TFPI: variants seen among roughly 807,000 people sequenced by gnomAD.
TFPI encodes anti-convertin.
A neutral mutation model predicts 34.6 loss-of-function variants in TFPI; 15 were observed. The ratio of observed to expected loss-of-function variants is 0.43; its 90% CI spans 0.29 to 0.67. The LOEUF (loss-of-function observed/expected upper bound fraction) is 0.67. Among genes scored for constraint, TFPI ranks in the 30% least tolerant of loss-of-function variants. The pLI is 0.15. For missense variants in TFPI, 301 were observed against 364.0 expected, an observed-to-expected ratio of 0.83 and a Z score of 1.41; for synonymous variants, 105 against 120.1, an observed-to-expected ratio of 0.87 and a Z score of 0.82.
intron 2 of TFPI, among the ~76,000 whole-genome samples, chr2:187,500,434 T>C (rs866128987): frequency 2.2e-4 from 34 of 152,178 alleles, no homozygotes; most frequent in Admixed American, 4.6e-4. Flanking sequence ...AACTACATGA[T>C]ATTGTCACAG....
chr2:187,467,114 C>A (rs765013059), intron 7 of TFPI, 72 bp from the exon 8 acceptor site: 152 of 1,011,858 alleles, frequency 1.5e-4, no homozygotes, highest in Admixed American at 2.5e-4. Context: ...AAAATCTTCT[C>A]AAAGTAACTT....
In TFPI at chr2:187,493,304, A is replaced by G. The variant is rs543858726; in HGVS notation, c.319+3577T>C. 7.2e-5 allele frequency among the ~76,000 whole-genome samples: 11 copies of G among 152,218 alleles called. No individual in the cohort carries two copies. In the East Asian group the frequency reaches 2.1e-3, roughly 29 times the overall value. On this transcript the variant is annotated intron_variant, in intron 3 of 7. Coordinates refer to ENST00000233156, the MANE Select transcript of TFPI (RefSeq NM_006287.6). ...CCTAGCTCTACGTTGACCCCTTTCA[A>G]TCATGGCTGGAGTGGCTGGGACACA...
At position 187,530,066 on chromosome 2, in the gene TFPI, G is replaced by C. The variant is rs77512089; in HGVS notation, c.-3+24134C>G. 9.7e-3 allele frequency among the ~76,000 whole-genome samples: 1,474 copies of C among 152,272 alleles called. 16 individuals carry two copies. The highest frequency in any genetic ancestry group is 0.029 in the African/African-American group (1,218 of 41,550). On this transcript the variant is annotated intron_variant, in intron 1 of 7. Transcript: ENST00000233156. ...GTTTTCTGTAAGTGTTCTCCAATGA[G>C]AAAGTGTATTTTTTGCTCACAATAA...
chr2:187,506,765 A>G (rs889605827), intron 1 of TFPI, among the ~76,000 whole-genome samples: 1 of 152,102 alleles, frequency 6.6e-6, no homozygotes, highest in African/African-American at 2.4e-5. Flanking sequence ...TTAAAGTGCC[A>G]TTTTTGTCAC....
At chr2:187,488,799 C>T (rs1412576997) in intron 3 of TFPI, among the ~76,000 whole-genome samples, 1 of 151,400 alleles carries the variant, frequency 6.6e-6, no homozygotes, top group Admixed American at 6.6e-5. Context: ...TATTTCCTTT[C>T]CTTATTCTTT....
At chr2:187,521,417 T>G (rs1356491243) in intron 1 of TFPI, among the ~76,000 whole-genome samples, 2 of 151,794 alleles carry the variant, frequency 1.3e-5, no homozygotes, top group African/African-American at 4.9e-5. Flanking sequence ...AGATATCTTT[T>G]CAAGACTCTG....
chr2:187,503,462 TACACACACACACAC>T (rs138349562), intron 2 of TFPI, among the ~76,000 whole-genome samples, 172 bp downstream of exon 2: 1 of 142,214 alleles, frequency 7.0e-6, no homozygotes, highest in African/African-American at 2.6e-5. Flanking sequence ...CATGTGCATG[TACACACACACACAC>T]ACACACACAC....
At chr2:187,497,141 ATTTCC>A in intron 2 of TFPI, 63 bp from the exon 3 acceptor site, 1 of 1,421,658 alleles carries the variant, frequency 7.0e-7, no homozygotes, top group African/African-American at 1.4e-5. Context: ...AATGTTCTTT[ATTTCC>A]TTTTTAATAT....
At chr2:187,494,733 T>C (rs1407150064) in intron 3 of TFPI, among the ~76,000 whole-genome samples, 3 of 152,144 alleles carry the variant, frequency 2.0e-5, no homozygotes, top group African/African-American at 4.8e-5. Flanking sequence ...AAGTGACTTT[T>C]CTTTTTTTTT....
intron 5 of TFPI, chr2:187,484,472 T>C (rs1693112033): frequency 4.0e-6 from 2 of 505,892 alleles, no homozygotes; most frequent in South Asian, 3.2e-5. Flanking sequence ...CAGATAAAAC[T>C]GAGTGACTTT....
chr2:187,516,549 A>C (rs1687015472), intron 1 of TFPI: 1 of 152,228 alleles, frequency 6.6e-6, no homozygotes, highest in Non-Finnish European at 1.5e-5. Flanking sequence ...TCTTGCAAGA[A>C]GACATGGGTA....
In TFPI at chr2:187,465,044, T is replaced by G. The variant is rs1012826100; in HGVS notation, c.*1892A>C. ...AGCATTCTTAACTAAATCAAAGTAGTCATGAAAGAAAGTACTGTTGGTAAA... is the reference window on the plus strand; with the variant it reads ...AGCATTCTTAACTAAATCAAAGTAGGCATGAAAGAAAGTACTGTTGGTAAA... On this transcript the variant is annotated 3_prime_UTR_variant, in exon 8 of 8. Transcript: ENST00000233156. The G allele has an allele frequency of 6.6e-6, 1 of 152,104 alleles. No individual in the cohort carries two copies. Among genetic ancestry groups the G allele is most frequent in the Non-Finnish European group, 1.5e-5 (1 of 68,036 alleles). 9.4% of individuals were successfully genotyped at this position (152,104 alleles called of 1,614,324 possible). A position where few individuals can be genotyped will look rare whatever the true frequency, so the allele number is the denominator to read the frequency against.
chr2:187,484,831 T>C lies in TFPI; in HGVS notation c.515A>G (p.Lys172Arg). 6.3e-7 allele frequency: 1 copy of C among 1,589,008 alleles called. No homozygotes were observed. Among genetic ancestry groups the C allele is most frequent in the South Asian group, 1.2e-5 (1 of 83,432 alleles). ...CTTACGACCATCTTCACAAATGTTC[T>C]TGCATTCTTCCAGTGTCTCAAAATT... ...MNNFETLEEC[K>R]NICEDGPNGF... The change falls in exon 5 of 8, where the codon AAG becomes AGG. Residue 172 changes from lysine (K) to arginine (R), a missense_variant. Coordinates refer to ENST00000233156, the MANE Select transcript of TFPI (RefSeq NM_006287.6).
At chr2:187,524,956 T>A (rs1383656794) in intron 1 of TFPI, among the ~76,000 whole-genome samples, 2 of 151,376 alleles carry the variant, frequency 1.3e-5, no homozygotes, top group African/African-American at 4.9e-5. Flanking sequence ...AAAGAGATAA[T>A]TAGGTAGAAG....
At position 187,484,325 on chromosome 2, in the gene TFPI, A is replaced by G; in HGVS notation, c.536-109T>C. On this transcript the variant is annotated intron_variant, in intron 5 of 7. Transcript: ENST00000233156. ...AAGCAGACTTCTGGCAATTTCATTC[A>G]CATTGCTATGTTAAATTAGCAAACA... is the stretch of plus-strand genomic sequence containing the variant. 20 of 788,686 alleles carry G rather than the reference A, an allele frequency of 2.5e-5. No homozygotes were observed. The South Asian group carries it at 3.4e-4, about 13-fold the overall frequency. The allele number at this position is 788,686 out of a possible 1,614,324, so 48.9% of individuals were successfully genotyped here. A position where few individuals can be genotyped will look rare whatever the true frequency, so the allele number is the denominator to read the frequency against.
chr2:187,482,442 GA>G (rs1301594823), intron 6 of TFPI, among the ~76,000 whole-genome samples: 1 of 151,982 alleles, frequency 6.6e-6, no homozygotes, highest in African/African-American at 2.4e-5. Context: ...AGATAAGTCA[GA>G]ATCACAAAAG....
At chr2:187,532,974 C>CGAAGCCCACA (rs1688049685) in intron 1 of TFPI, among the ~76,000 whole-genome samples, 14 of 150,302 alleles carry the variant, frequency 9.3e-5, no homozygotes, top group Non-Finnish European at 2.1e-4. Flanking sequence ...GAAGTTCCAG[C>CGAAGCCCACA]ACAGCTCCTC....
At chr2:187,540,194 C>G (rs185693493) in intron 1 of TFPI, among the ~76,000 whole-genome samples, 1 of 152,122 alleles carries the variant, frequency 6.6e-6, no homozygotes, top group South Asian at 2.1e-4. Context: ...TGAGTCACCG[C>G]GCCCCGGCCA....
intron 3 of TFPI, among the ~76,000 whole-genome samples, chr2:187,489,665 G>A (rs757693371): frequency 8.6e-5 from 13 of 151,414 alleles, no homozygotes; most frequent in Non-Finnish European, 1.6e-4. Context: ...ATATATAAAT[G>A]CTTGATTAAT....
Sources: allele counts gnomAD v4.1 joint callset (sites outside exome capture counted in the v4.1 genomes callset), GRCh38; gene constraint gnomAD v4.1.1; transcripts MANE v1.5; gene names NCBI Gene and HGNC (gene_info 2026-07-23, HGNC 2026-07-21).